Variants in SLC7A14 observed in about 807,000 individuals in gnomAD.
SLC7A14 encodes the protein gamma-aminobutyric acid transporter SLC7A14.
SLC7A14 carries 37 observed loss-of-function variants against 60.2 expected under a neutral mutation model. The observed-to-expected ratio is 0.61, with a 90% CI of 0.47 to 0.81. SLC7A14 has a LOEUF of 0.81. Ranked by LOEUF, SLC7A14 falls within the 30% of genes least tolerant of loss-of-function variation. The pLI, the probability that SLC7A14 is intolerant of heterozygous loss-of-function variation, is 0.00. For missense variants in SLC7A14, 886 were observed against 982.7 expected (o/e 0.90, Z 1.32); for synonymous variants, 399 against 395.8 (o/e 1.01, Z -0.10).
intron 2 of SLC7A14, among the ~76,000 whole-genome samples, chr3:170,512,174 C>A (rs904066585): frequency 1.3e-5 from 2 of 152,150 alleles, no homozygotes; most frequent in African/African-American, 2.4e-5. Context: ...ATCAGCCATA[C>A]CCCCTGCCCT....
intron 4 of SLC7A14, chr3:170,496,595 C>T: frequency 1.3e-6 from 2 of 1,592,026 alleles, no homozygotes; most frequent in East Asian, 2.2e-5. Flanking sequence ...ACATGGAGAT[C>T]GCCACCTACA....
chr3:170,524,110 A>G (rs6803187), intron 2 of SLC7A14, among the ~76,000 whole-genome samples: 75,382 of 151,930 alleles, frequency 0.5, 20,464 homozygotes, highest in South Asian at 0.63. Flanking sequence ...GAAGGCCTCA[A>G]TTACTGGGCA....
rs954008619 is a variant in SLC7A14 at position 170,472,134 on chromosome 3, C to T, written c.1994-4757G>A. Among the ~76,000 whole-genome samples the T allele has an allele frequency of 6.3e-5, 9 of 142,642 alleles. 1 individual carries two copies. The highest frequency in any genetic ancestry group is 4.6e-4 in the South Asian group (2 of 4,334). The allele number at this position is 142,642 out of a possible 152,430, so 93.6% of individuals were successfully genotyped here. On this transcript the variant is annotated intron_variant, in intron 7 of 7. Coordinates refer to ENST00000231706, the MANE Select transcript of SLC7A14 (RefSeq NM_020949.3). ...CTGTAATCCCAGCACTTTGGGAGGCCGAGACAGGTGGATCACCTGAGGTCA... is the reference window on the plus strand; with the variant it reads ...CTGTAATCCCAGCACTTTGGGAGGCTGAGACAGGTGGATCACCTGAGGTCA...
chr3:170,558,977 A>G (rs1714564614), intron 1 of SLC7A14, among the ~76,000 whole-genome samples: 1 of 152,182 alleles, frequency 6.6e-6, no homozygotes. Context: ...GTAGATTTTC[A>G]TGCTGGTAAC....
intron 1 of SLC7A14, among the ~76,000 whole-genome samples, chr3:170,573,724 A>G (rs1314722419): frequency 6.6e-6 from 1 of 152,244 alleles, no homozygotes; most frequent in Non-Finnish European, 1.5e-5. Flanking sequence ...GAAGGACACA[A>G]CTATTCTGGT....
chr3:170,517,704 G>C (rs1176645035), intron 2 of SLC7A14, among the ~76,000 whole-genome samples: 3 of 152,186 alleles, frequency 2.0e-5, no homozygotes, highest in Non-Finnish European at 2.9e-5. Flanking sequence ...TTGGGAACCT[G>C]TGGAGAGACA....
intron 1 of SLC7A14, among the ~76,000 whole-genome samples, chr3:170,549,338 C>T (rs1714272851): frequency 6.6e-6 from 1 of 152,014 alleles, no homozygotes; most frequent in South Asian, 2.1e-4. Context: ...CCTCAGCCTC[C>T]TGAGTAGCTG....
rs1032142136 is a variant in SLC7A14 at position 170,464,480 on chromosome 3, G to A, written c.*2575C>T. 1 of 152,160 alleles carries A rather than the reference G, an allele frequency of 6.6e-6. No individual in the cohort carries two copies. The highest frequency in any genetic ancestry group is 1.5e-5 in the Non-Finnish European group (1 of 68,018). 9.4% of individuals were successfully genotyped at this position (152,160 alleles called of 1,614,324 possible). On this transcript the variant is annotated 3_prime_UTR_variant, in exon 8 of 8. Transcript: ENST00000231706. ...TTGAAAACTGCATTGTAAAATCTGGGACTGTTCACAGAAGCAGGTAAACCT... is the reference window on the plus strand; with the variant it reads ...TTGAAAACTGCATTGTAAAATCTGGAACTGTTCACAGAAGCAGGTAAACCT...
At chr3:170,531,657 G>A (rs1713684320) in intron 1 of SLC7A14, among the ~76,000 whole-genome samples, 1 of 152,096 alleles carries the variant, frequency 6.6e-6, no homozygotes, top group South Asian at 2.1e-4. Flanking sequence ...GGTGACTATT[G>A]GCAATATCCA....
chr3:170,495,610 C>T (rs1712361418), intron 4 of SLC7A14: 1 of 783,424 alleles, frequency 1.3e-6, no homozygotes. Context: ...TATGGTGGGG[C>T]CAGCGGCATA....
rs1739723521 is a variant in SLC7A14, at chr3:170,466,374, G to C, written c.*681C>G. 1 of 152,026 alleles carries C rather than the reference G, an allele frequency of 6.6e-6. No homozygotes were observed. Among genetic ancestry groups the C allele is most frequent in the Non-Finnish European group, 1.5e-5 (1 of 68,018 alleles). The allele number at this position is 152,026 out of a possible 1,614,324, so 9.4% of individuals were successfully genotyped here. A position where few individuals can be genotyped will look rare whatever the true frequency, so the allele number is the denominator to read the frequency against. ...GATATGGTTATTTAATTTTCTTCTG[G>C]GCATTTACATAGAGCTTTGATGGTG... On this transcript the variant is annotated 3_prime_UTR_variant, in exon 8 of 8. Transcript: ENST00000231706.
intron 1 of SLC7A14, among the ~76,000 whole-genome samples, chr3:170,541,145 T>C (rs549160801): frequency 1.3e-5 from 2 of 152,314 alleles, no homozygotes; most frequent in African/African-American, 4.8e-5. Context: ...AATTATCAGG[T>C]GCAGAAAAAG....
intron 1 of SLC7A14, among the ~76,000 whole-genome samples, chr3:170,578,411 A>G (rs992496159): frequency 6.6e-6 from 1 of 152,270 alleles, no homozygotes; most frequent in Non-Finnish European, 1.5e-5. Context: ...GAAATTCTCC[A>G]GAGAATTGGC....
intron 2 of SLC7A14, among the ~76,000 whole-genome samples, chr3:170,514,138 G>A (rs575488077): frequency 6.6e-6 from 1 of 152,200 alleles, no homozygotes; most frequent in African/African-American, 2.4e-5. Flanking sequence ...TGGGGTGGCC[G>A]TGGCTCCTTG....
intron 1 of SLC7A14, among the ~76,000 whole-genome samples, chr3:170,581,805 G>T (rs889988970): frequency 6.6e-5 from 10 of 152,146 alleles, no homozygotes; most frequent in African/African-American, 2.4e-4. Context: ...ACATCTTAGA[G>T]ATGGAGAAAT....
At position 170,462,401 on chromosome 3, in the gene SLC7A14, G is replaced by T. The variant is rs930009915; in HGVS notation, c.*4654C>A. On this transcript the variant is annotated 3_prime_UTR_variant, in exon 8 of 8. Coordinates refer to ENST00000231706, the MANE Select transcript of SLC7A14 (RefSeq NM_020949.3). ...CCTTTTCAGCAGAATAGAGGAGAGA[G>T]ATTTCTTTGAAGGAGTTTGTGTTTT... is the stretch of plus-strand genomic sequence containing the variant. The T allele has an allele frequency of 6.6e-6, 1 of 152,172 alleles. No homozygotes were observed. The highest frequency in any genetic ancestry group is 2.1e-4 in the South Asian group (1 of 4,834). 9.4% of individuals were successfully genotyped at this position (152,172 alleles called of 1,614,324 possible).
At chr3:170,541,057 GA>G (rs1239770430) in intron 1 of SLC7A14, among the ~76,000 whole-genome samples, 19 of 152,304 alleles carry the variant, frequency 1.2e-4, no homozygotes, top group Non-Finnish European at 2.8e-4. Context: ...GGATGTCAAA[GA>G]AAGGATACAT....
At chr3:170,500,537 CA>C (rs1712573781) in intron 3 of SLC7A14, among the ~76,000 whole-genome samples, 1 of 151,014 alleles carries the variant, frequency 6.6e-6, no homozygotes, top group Admixed American at 6.6e-5. Flanking sequence ...GATGGTTTAG[CA>C]TTCACTGTTA....
intron 7 of SLC7A14, among the ~76,000 whole-genome samples, chr3:170,469,991 A>C (rs960541906): frequency 2.6e-5 from 4 of 152,082 alleles, no homozygotes; most frequent in African/African-American, 9.7e-5. Context: ...AGATAGATTC[A>C]TATTATGGGA....
Sources: allele counts gnomAD v4.1 joint callset (sites outside exome capture counted in the v4.1 genomes callset), GRCh38; gene constraint gnomAD v4.1.1; transcripts MANE v1.5; gene names NCBI Gene and HGNC (gene_info 2026-07-23, HGNC 2026-07-21).